The following TBC1D1 variants were observed in gnomAD, a reference collection of about 807,000 sequenced individuals.
The protein encoded by TBC1D1 is TBC1 (tre-2/USP6, BUB2, cdc16) domain family, member 1.
A neutral mutation model predicts 125.6 loss-of-function variants in TBC1D1; 89 were observed. The ratio of observed to expected loss-of-function variants is 0.71; its 90% confidence interval spans 0.60 to 0.85. TBC1D1 has a LOEUF of 0.85. TBC1D1 is among the 40% of genes least tolerant of loss of function. The pLI is 0.00. For synonymous variants in TBC1D1, 565 were observed against 564.1 expected, an observed-to-expected ratio of 1.00 and a Z score of -0.02; for missense variants, 1,377 against 1,469.2, an observed-to-expected ratio of 0.94 and a Z score of 1.03.
intron 2 of TBC1D1, among the ~76,000 whole-genome samples, chr4:37,929,073 C>T (rs1216778981): frequency 2.0e-5 from 3 of 152,198 alleles, no homozygotes; most frequent in Admixed American, 2.0e-4. Flanking sequence ...GATGAAATTG[C>T]AAGACGGTTC....
intron 12 of TBC1D1, among the ~76,000 whole-genome samples, chr4:38,078,605 C>T (rs1383458718): frequency 6.6e-6 from 1 of 152,158 alleles, no homozygotes; most frequent in African/African-American, 2.4e-5. Context: ...GGTAGAGACC[C>T]CAGAGCTTCC....
intron 12 of TBC1D1, among the ~76,000 whole-genome samples, chr4:38,061,814 A>T (rs185052674): frequency 2.0e-4 from 30 of 152,232 alleles, no homozygotes; most frequent in Admixed American, 2.0e-4. Flanking sequence ...TGACCAATTT[A>T]TATTATTGTG....
At chr4:38,109,665 C>G (rs1483376863) in intron 15 of TBC1D1, among the ~76,000 whole-genome samples, 2 of 143,726 alleles carry the variant, frequency 1.4e-5, no homozygotes, top group East Asian at 1.9e-4. Flanking sequence ...TCAAGTGTTT[C>G]CCAAAAACAA....
intron 2 of TBC1D1, among the ~76,000 whole-genome samples, chr4:37,959,921 T>C (rs1729643957): frequency 6.6e-6 from 1 of 152,192 alleles, no homozygotes; most frequent in Admixed American, 6.5e-5. Flanking sequence ...GCAAAAGGGA[T>C]AACTCGGGAT....
At chr4:37,973,582 C>T (rs559123849) in intron 2 of TBC1D1, among the ~76,000 whole-genome samples, 1 of 152,212 alleles carries the variant, frequency 6.6e-6, no homozygotes, top group Admixed American at 6.5e-5. Flanking sequence ...TGGAGAGTTT[C>T]GTGTAGGAGT....
At chr4:38,066,090 G>A (rs879813476) in intron 12 of TBC1D1, among the ~76,000 whole-genome samples, 9 of 152,228 alleles carry the variant, frequency 5.9e-5, no homozygotes, top group Middle Eastern at 3.4e-3. Context: ...GTAATGAACC[G>A]TTGACAGTTT....
intron 12 of TBC1D1, among the ~76,000 whole-genome samples, chr4:38,085,863 A>C (rs774543439): frequency 2.0e-5 from 3 of 152,208 alleles, no homozygotes; most frequent in Non-Finnish European, 4.4e-5. Flanking sequence ...CTTAGCTGAC[A>C]GTTGCCTCAG....
chr4:38,099,144 T>TAA (rs1456467229), intron 14 of TBC1D1, among the ~76,000 whole-genome samples: 1 of 152,218 alleles, frequency 6.6e-6, no homozygotes, highest in Non-Finnish European at 1.5e-5. Flanking sequence ...TATAAAAACT[T>TAA]ACTCTAGAAA....
chr4:37,945,740 G>A (rs1306502958), intron 2 of TBC1D1, among the ~76,000 whole-genome samples: 2 of 151,930 alleles, frequency 1.3e-5, no homozygotes, highest in African/African-American at 4.8e-5. Flanking sequence ...CCTTTCTATT[G>A]GAAATCAATG....
chr4:38,107,245 C>T (rs540997137), intron 15 of TBC1D1, among the ~76,000 whole-genome samples: 8 of 152,296 alleles, frequency 5.3e-5, no homozygotes, highest in Middle Eastern at 3.4e-3. Flanking sequence ...CCTGCCTGCC[C>T]GGCTGACTCC....
intron 8 of TBC1D1, among the ~76,000 whole-genome samples, chr4:38,042,198 G>A (rs1217049983): frequency 2.0e-5 from 3 of 151,902 alleles, no homozygotes; most frequent in Non-Finnish European, 4.4e-5. Flanking sequence ...AACAAAAAAA[G>A]CTCATAGAGT....
chr4:38,043,321 GGT>G (rs565593607), intron 8 of TBC1D1, among the ~76,000 whole-genome samples: 81 of 152,122 alleles, frequency 5.3e-4, no homozygotes, highest in Non-Finnish European at 8.8e-4. Flanking sequence ...CCTTCGGCTG[GGT>G]GTGGTAGCTC....
rs770934471 is a variant in TBC1D1 at position 38,096,073 on chromosome 4, A to G, written c.2381A>G (p.His794Arg). The change falls in exon 14 of 20, where the codon CAC becomes CGC. Residue 794 changes from histidine to arginine, a missense_variant. This residue lies in a region of TBC1D1 where 543 missense variants were observed against 613.5 expected (regional missense o/e 0.89). Transcript: ENST00000261439. The stretch of plus-strand genomic sequence containing the variant: ...ATTAAGTTTGACATGGAAAAAATGC[A>G]CTCGGCTGTTGGGCAAGGTAAGCTT... 1.6e-5 allele frequency: 25 copies of G among 1,612,620 alleles called. No individual in the cohort carries two copies. The highest frequency in any genetic ancestry group is 2.7e-5 in the African/African-American group (2 of 74,866).
chr4:37,976,887 C>T (rs918730462), intron 2 of TBC1D1, among the ~76,000 whole-genome samples: 2 of 152,220 alleles, frequency 1.3e-5, no homozygotes, highest in Admixed American at 1.3e-4. Context: ...AAGAAAACCA[C>T]CTTTGATTAT....
chr4:37,955,864 T>G (rs1244902140), intron 2 of TBC1D1, among the ~76,000 whole-genome samples: 1 of 152,110 alleles, frequency 6.6e-6, no homozygotes, highest in African/African-American at 2.4e-5. Flanking sequence ...GGGCTGGCCG[T>G]GGTGTCTCAC....
chr4:38,101,274 C>T (rs1436158000), intron 14 of TBC1D1, among the ~76,000 whole-genome samples: 5 of 152,134 alleles, frequency 3.3e-5, no homozygotes, highest in African/African-American at 7.2e-5. Flanking sequence ...CTTTTTTTCC[C>T]GGATGGAAAG....
chr4:37,985,175 A>T (rs1306630355), intron 2 of TBC1D1, among the ~76,000 whole-genome samples: 1 of 151,944 alleles, frequency 6.6e-6, no homozygotes, highest in Non-Finnish European at 1.5e-5. Flanking sequence ...GGATGGTCTT[A>T]AGCTCCTATC....
intron 12 of TBC1D1, among the ~76,000 whole-genome samples, chr4:38,058,761 A>T (rs781372925): frequency 2.0e-5 from 3 of 152,184 alleles, no homozygotes; most frequent in Non-Finnish European, 4.4e-5. Context: ...AGTAATACAA[A>T]AACCATGGTG....
intron 1 of TBC1D1, among the ~76,000 whole-genome samples, chr4:37,899,154 A>C (rs1001038836): frequency 4.6e-5 from 7 of 152,148 alleles, no homozygotes; most frequent in African/African-American, 1.7e-4. Context: ...CGAAAAAGAA[A>C]GAGTAGTTGG....
Sources: gnomAD v4.1 joint callset for allele counts (sites outside exome capture counted in the v4.1 genomes callset) on GRCh38, gnomAD v4.1.1 for gene constraint, gnomAD v4.1.1 regional missense constraint, MANE v1.5 for transcripts, NCBI Gene and HGNC (gene_info 2026-07-23, HGNC 2026-07-21) for gene names.